NKAIN2: variants seen among roughly 807,000 people sequenced by gnomAD.
The protein encoded by NKAIN2 is sodium/potassium-transporting ATPase subunit beta-1-interacting protein 2.
In NKAIN2, 14 loss-of-function variants were observed where a neutral mutation model predicts 32.6. That is an observed-to-expected ratio of 0.43 (90% confidence interval 0.28 to 0.67). NKAIN2 has a LOEUF of 0.67. NKAIN2 is among the 30% of genes least tolerant of loss of function. NKAIN2 has a pLI of 0.17. For synonymous variants in NKAIN2, 80 were observed against 87.2 expected (o/e 0.92, Z 0.46); for missense variants, 198 against 258.3 (o/e 0.77, Z 1.60).
chr6:124,777,106 AT>A (rs1779013490), intron 4 of NKAIN2, among the ~76,000 whole-genome samples: 1 of 152,214 alleles, frequency 6.6e-6, no homozygotes, highest in South Asian at 2.1e-4. Context: ...AAAGATTTAA[AT>A]ATAAGAATTC....
At chr6:124,508,581 G>C (rs571915579) in intron 3 of NKAIN2, among the ~76,000 whole-genome samples, 4 of 151,964 alleles carry the variant, frequency 2.6e-5, no homozygotes, top group African/African-American at 9.7e-5. Flanking sequence ...TTGACCTCGT[G>C]ATCTGCCCGC....
chr6:124,622,165 T>A (rs73573379), intron 3 of NKAIN2, among the ~76,000 whole-genome samples: 16,564 of 152,200 alleles, frequency 0.11, 1,061 homozygotes, highest in South Asian at 0.2. Context: ...CTAGCTTTGA[T>A]GGCTCCAAGA....
chr6:124,531,625 C>A (rs1583397600), intron 3 of NKAIN2, among the ~76,000 whole-genome samples: 1 of 152,106 alleles, frequency 6.6e-6, no homozygotes, highest in East Asian at 1.9e-4. Context: ...TCACTTTGAA[C>A]TTGGGGAGAT....
At chr6:124,025,845 G>T (rs1582949563) in intron 1 of NKAIN2, among the ~76,000 whole-genome samples, 1 of 152,210 alleles carries the variant, frequency 6.6e-6, no homozygotes, top group East Asian at 1.9e-4. Context: ...ATGGCCCCTT[G>T]ACAACAGAGA....
intron 1 of NKAIN2, among the ~76,000 whole-genome samples, chr6:123,888,570 C>T (rs1042460129): frequency 5.9e-5 from 9 of 151,898 alleles, no homozygotes; most frequent in Non-Finnish European, 1.2e-4. Context: ...CACAATAATC[C>T]CTGAATATTG....
intron 3 of NKAIN2, among the ~76,000 whole-genome samples, chr6:124,401,819 G>T (rs1021189682): frequency 1.3e-5 from 2 of 152,030 alleles, no homozygotes; most frequent in Non-Finnish European, 2.9e-5. Context: ...TCCCTGCTGG[G>T]TATACAACTA....
chr6:124,570,936 C>A (rs931989743), intron 3 of NKAIN2, among the ~76,000 whole-genome samples: 2 of 152,118 alleles, frequency 1.3e-5, no homozygotes, highest in African/African-American at 4.8e-5. Context: ...TTATACCCTG[C>A]AAAGCCACAG....
At chr6:124,570,176 C>T (rs962502677) in intron 3 of NKAIN2, among the ~76,000 whole-genome samples, 8 of 152,152 alleles carry the variant, frequency 5.3e-5, no homozygotes, top group African/African-American at 7.2e-5. Context: ...CATTCAAAAG[C>T]TGACTTGGGT....
intron 3 of NKAIN2, among the ~76,000 whole-genome samples, chr6:124,545,014 C>G (rs541757124): frequency 1.9e-3 from 291 of 152,224 alleles, no homozygotes; most frequent in Admixed American, 3.9e-3. Context: ...TGACCTAAAA[C>G]TCTTCTCTGG....
chr6:124,578,885 G>T (rs907321316), intron 3 of NKAIN2, among the ~76,000 whole-genome samples: 2 of 152,170 alleles, frequency 1.3e-5, no homozygotes, highest in South Asian at 4.2e-4. Context: ...GAGATAGCAG[G>T]GTGGAGAGAG....
intron 3 of NKAIN2, among the ~76,000 whole-genome samples, chr6:124,635,864 T>C (rs1783754006): frequency 6.6e-6 from 1 of 151,958 alleles, no homozygotes; most frequent in Non-Finnish European, 1.5e-5. Flanking sequence ...AAATACCACA[T>C]TTGGCCTTGG....
chr6:124,750,292 C>T (rs895914115), intron 4 of NKAIN2, among the ~76,000 whole-genome samples: 3 of 151,968 alleles, frequency 2.0e-5, no homozygotes, highest in Admixed American at 6.6e-5. Context: ...TGCCCAGACC[C>T]ATCAGGTAGA....
intron 3 of NKAIN2, among the ~76,000 whole-genome samples, chr6:124,645,560 G>A (rs1784139014): frequency 6.6e-6 from 1 of 152,170 alleles, no homozygotes; most frequent in Non-Finnish European, 1.5e-5. Flanking sequence ...CAGACCCAAA[G>A]CAAAATCCTA....
chr6:124,233,456 T>G (rs1287497840), intron 1 of NKAIN2, among the ~76,000 whole-genome samples: 1 of 152,176 alleles, frequency 6.6e-6, no homozygotes, highest in Admixed American at 6.6e-5. Context: ...ACAGTGATGC[T>G]GCCAAAGCAA....
chr6:124,705,109 A>G (rs1774992209), intron 4 of NKAIN2, among the ~76,000 whole-genome samples: 1 of 152,104 alleles, frequency 6.6e-6, no homozygotes, highest in Non-Finnish European at 1.5e-5. Flanking sequence ...TGCTTCCAAG[A>G]ACAAGATCAT....
At chr6:124,021,518 A>G (rs6917824) in intron 1 of NKAIN2, among the ~76,000 whole-genome samples, 34,271 of 151,814 alleles carry the variant, frequency 0.23, 4,863 homozygotes, top group African/African-American at 0.4. Context: ...TATTACTCTG[A>G]ATACTATCTT....
chr6:124,626,661 C>T (rs1276876977), intron 3 of NKAIN2, among the ~76,000 whole-genome samples: 1 of 152,114 alleles, frequency 6.6e-6, no homozygotes, highest in Non-Finnish European at 1.5e-5. Context: ...CTCTATTATT[C>T]TGTGAAATGC....
chr6:124,303,241 G>T (rs992972438), intron 2 of NKAIN2, among the ~76,000 whole-genome samples: 1 of 152,196 alleles, frequency 6.6e-6, no homozygotes, highest in African/African-American at 2.4e-5. Flanking sequence ...AATCTTCCAT[G>T]AAATGACCAT....
chr6:124,076,378 A>T (rs1783696424), intron 1 of NKAIN2, among the ~76,000 whole-genome samples: 1 of 152,148 alleles, frequency 6.6e-6, no homozygotes, highest in Non-Finnish European at 1.5e-5. Context: ...GAGGTGATTG[A>T]CGTTCCCCAA....
Sources: allele counts gnomAD v4.1 joint callset (sites outside exome capture counted in the v4.1 genomes callset), GRCh38; gene constraint gnomAD v4.1.1; transcripts MANE v1.5; gene names NCBI Gene and HGNC (gene_info 2026-07-23, HGNC 2026-07-21).